KCNU1: variants seen among roughly 807,000 people sequenced by gnomAD.
KCNU1 encodes the protein potassium calcium-activated channel subfamily U member 1, also known as potassium channel subfamily U member 1.
Under a neutral mutation model 126.8 loss-of-function variants are expected in KCNU1, and 93 were observed. The observed-to-expected ratio is 0.73, with a 90% CI of 0.62 to 0.87. The LOEUF (loss-of-function observed/expected upper bound fraction) is 0.87, where lower values mean the gene tolerates loss of function less well. Among genes scored for constraint, KCNU1 ranks in the 40% least tolerant of loss-of-function variants. KCNU1 has a pLI of 0.00. For synonymous variants in KCNU1, 523 were observed against 494.2 expected (o/e 1.06, Z -0.77); for missense variants, 1,330 against 1,367.1 (o/e 0.97, Z 0.43).
chr8:36,790,397 TA>T (rs1245106213), intron 2 of KCNU1, among the ~76,000 whole-genome samples: 3 of 151,398 alleles, frequency 2.0e-5, no homozygotes, highest in Admixed American at 6.6e-5. Flanking sequence ...ATTTAAAAGA[TA>T]GTTAGAAATT....
chr8:36,863,369 C>G (rs1805794656), intron 18 of KCNU1, among the ~76,000 whole-genome samples: 1 of 152,136 alleles, frequency 6.6e-6, no homozygotes, highest in South Asian at 2.1e-4. Flanking sequence ...AAGGTCATGT[C>G]TCCTTTCTCC....
At chr8:36,904,468 GTCTAT>G (rs1442897329) in intron 19 of KCNU1, among the ~76,000 whole-genome samples, 1 of 152,140 alleles carries the variant, frequency 6.6e-6, no homozygotes, top group Non-Finnish European at 1.5e-5. Context: ...AACTTCAACA[GTCTAT>G]TCAAATGCCA....
intron 19 of KCNU1, among the ~76,000 whole-genome samples, chr8:36,875,250 G>T (rs1201910904): frequency 6.6e-6 from 1 of 151,110 alleles, no homozygotes; most frequent in Non-Finnish European, 1.5e-5. Flanking sequence ...AAAGATTTTG[G>T]TGTTGATACA....
At chr8:36,867,696 A>G (rs1805961406) in intron 19 of KCNU1, among the ~76,000 whole-genome samples, 1 of 152,188 alleles carries the variant, frequency 6.6e-6, no homozygotes, top group South Asian at 2.1e-4. Flanking sequence ...AATTTTACCC[A>G]TTCAGTTTCA....
At chr8:36,904,831 G>T (rs187987352) in intron 19 of KCNU1, among the ~76,000 whole-genome samples, 1 of 152,228 alleles carries the variant, frequency 6.6e-6, no homozygotes, top group African/African-American at 2.4e-5. Flanking sequence ...GTGGAGGAGA[G>T]ACACCTTTTC....
rs1563344363 is a variant in KCNU1, at chr8:36,933,032, G to A, written c.3044G>A (p.Arg1015Lys). The A allele has an allele frequency of 2.0e-6, 3 of 1,524,640 alleles. No individual in the cohort carries two copies. Among genetic ancestry groups the A allele is most frequent in the South Asian group, 1.2e-5 (1 of 83,736 alleles). The allele number at this position is 1,524,640 out of a possible 1,614,324, so 94.4% of individuals were successfully genotyped here. A position where few individuals can be genotyped will look rare whatever the true frequency, so the allele number is the denominator to read the frequency against. ...DEEELNPENKRFVITRPANEF... is the reference protein window; with the variant it reads ...DEEELNPENKKFVITRPANEF... ...GAGGAGCTCAACCCAGAAAACAAAA[G>A]GGGAGTGTGCTAGATTGGAAAGCAC... is the stretch of plus-strand genomic sequence containing the variant. The change falls in exon 26 of 27, where the codon AGG becomes AAG. Residue 1015 changes from arginine (R) to lysine (K), a missense_variant and splice_region_variant. This residue lies in a region of KCNU1 where 1,054 missense variants were observed against 1,053.9 expected (regional missense o/e 1.00). Coordinates refer to ENST00000399881, the MANE Select transcript of KCNU1 (RefSeq NM_001031836.3).
intron 5 of KCNU1, among the ~76,000 whole-genome samples, chr8:36,807,048 A>G (rs1563266502): frequency 6.6e-6 from 1 of 152,182 alleles, no homozygotes; most frequent in Non-Finnish European, 1.5e-5. Flanking sequence ...AATAGTCCCC[A>G]TAATATGTGA....
chr8:36,786,470 A>C lies in KCNU1; in HGVS notation c.196-836A>C, dbSNP rs545970856. Among the ~76,000 whole-genome samples the C allele has an allele frequency of 2.6e-5, 4 of 152,208 alleles. No individual in the cohort carries two copies. The South Asian group carries it at 8.3e-4, about 31-fold the overall frequency. ...AGACTTCCCTTTTTATCATTCAGAA[A>C]ATATGAGTAGAAAAATTAAGTGATT... On this transcript the variant is annotated intron_variant, in intron 1 of 26. Coordinates refer to ENST00000399881, the MANE Select transcript of KCNU1 (RefSeq NM_001031836.3).
At chr8:36,831,529 ATG>A (rs2130537212) in intron 10 of KCNU1, among the ~76,000 whole-genome samples, 1 of 151,486 alleles carries the variant, frequency 6.6e-6, no homozygotes, top group South Asian at 2.1e-4. Context: ...GCATTTTTTC[ATG>A]TGTTTTTTGG....
intron 18 of KCNU1, among the ~76,000 whole-genome samples, chr8:36,863,763 A>C (rs930296760): frequency 6.6e-6 from 1 of 152,100 alleles, no homozygotes; most frequent in African/African-American, 2.4e-5. Flanking sequence ...AAGTGGCTTC[A>C]TGGTGCTCAT....
chr8:36,905,029 T>G (rs949974688), intron 19 of KCNU1, among the ~76,000 whole-genome samples: 1 of 152,102 alleles, frequency 6.6e-6, no homozygotes, highest in African/African-American at 2.4e-5. Flanking sequence ...TATGCATTCC[T>G]TAGGATGAAA....
chr8:36,895,322 G>GC (rs1283429885), intron 19 of KCNU1, among the ~76,000 whole-genome samples: 2 of 151,840 alleles, frequency 1.3e-5, no homozygotes, highest in African/African-American at 4.8e-5. Flanking sequence ...TAAGTAATCT[G>GC]CCCCCCTCAG....
intron 18 of KCNU1, among the ~76,000 whole-genome samples, chr8:36,847,321 G>T (rs1207801563): frequency 6.6e-6 from 1 of 152,038 alleles, no homozygotes; most frequent in Non-Finnish European, 1.5e-5. Flanking sequence ...GGGGTAATTA[G>T]CATATCCATC....
Position 36,807,444 on chromosome 8 carries a change from A to G in KCNU1, c.650A>G (p.Lys217Arg), listed in dbSNP as rs1212305608. The G allele has an allele frequency of 1.2e-6, 2 of 1,611,544 alleles. No individual in the cohort carries two copies. The highest frequency in any genetic ancestry group is 2.2e-5 in the South Asian group (2 of 91,040). ...PQILQILRAI[K>R]TSNSVKFSKL... ...ATCTTGCAAATTCTACGAGCCATCA[A>G]GACCAGGTAAATAGCCCTGACCGAA... The change falls in exon 6 of 27, where the codon AAG becomes AGG. Residue 217 changes from lysine to arginine, a missense_variant. This residue lies in a region of KCNU1 where 247 missense variants were observed against 255.4 expected (regional missense o/e 0.97). Coordinates refer to ENST00000399881, the MANE Select transcript of KCNU1 (RefSeq NM_001031836.3).
At chr8:36,908,328 A>C (rs990647106) in intron 20 of KCNU1, among the ~76,000 whole-genome samples, 1 of 152,164 alleles carries the variant, frequency 6.6e-6, no homozygotes, top group Non-Finnish European at 1.5e-5. Flanking sequence ...ACAATTGGCA[A>C]TGCTGATAGT....
intron 2 of KCNU1, chr8:36,795,688 G>A (rs1453218541): frequency 2.0e-5 from 3 of 152,364 alleles, no homozygotes; most frequent in African/African-American, 7.2e-5. Flanking sequence ...CCAACATCAA[G>A]TTGATGAATT....
intron 14 of KCNU1, among the ~76,000 whole-genome samples, chr8:36,839,070 T>C (rs1463666415): frequency 6.6e-6 from 1 of 152,218 alleles, no homozygotes; most frequent in Non-Finnish European, 1.5e-5. Flanking sequence ...ATAACTGGCT[T>C]TTTCCAAGTA....
At chr8:36,904,233 C>T (rs75764445) in intron 19 of KCNU1, among the ~76,000 whole-genome samples, 7 of 152,176 alleles carry the variant, frequency 4.6e-5, no homozygotes, top group Non-Finnish European at 8.8e-5. Flanking sequence ...TTGTTGTTCA[C>T]ATTACATGTC....
Position 36,851,455 on chromosome 8 carries a change from T to C in KCNU1, c.1891+5556T>C, listed in dbSNP as rs138053640. On this transcript the variant is annotated intron_variant, in intron 18 of 26. Transcript: ENST00000399881. The stretch of plus-strand genomic sequence containing the variant: ...GTGAAGAAGGTCCTTGCTTTCCTTT[T>C]GTCTTCTGCCATGATTGTTAGTTTC... Among the ~76,000 whole-genome samples the C allele has an allele frequency of 7.6e-4, 115 of 152,136 alleles. No individual in the cohort carries two copies. The East Asian group carries it at 0.019, about 25-fold the overall frequency.
Sources: allele counts gnomAD v4.1 joint callset (sites outside exome capture counted in the v4.1 genomes callset), GRCh38; gene constraint gnomAD v4.1.1; regional missense constraint gnomAD v4.1.1; transcripts MANE v1.5; gene names NCBI Gene and HGNC (gene_info 2026-07-23, HGNC 2026-07-21).